DCUN1D5: variants seen among roughly 807,000 people sequenced by gnomAD.
The protein encoded by DCUN1D5 is defective in cullin neddylation 1 domain containing 5.
A neutral mutation model predicts 38.3 loss-of-function variants in DCUN1D5; 10 were observed. The ratio of observed to expected loss-of-function variants is 0.26; its 90% CI spans 0.16 to 0.44. DCUN1D5 has a LOEUF of 0.44. Ranked by LOEUF, DCUN1D5 falls within the 20% of genes least tolerant of loss-of-function variation. The pLI, the probability that DCUN1D5 is intolerant of heterozygous loss-of-function variation, is 1.00. For missense variants in DCUN1D5, 148 were observed against 275.3 expected (o/e 0.54, Z 3.27); for synonymous variants, 93 against 90.9 (o/e 1.02, Z -0.13).
At chr11:103,076,011 T>C (rs1233473805) in intron 4 of DCUN1D5, among the ~76,000 whole-genome samples, 2 of 152,198 alleles carry the variant, frequency 1.3e-5, no homozygotes, top group Non-Finnish European at 2.9e-5. Flanking sequence ...ACTATAATGT[T>C]TGAAAATATG....
rs1861900086 is a variant in DCUN1D5, at chr11:103,057,432, G to T, written c.*4927C>A. Among the ~76,000 whole-genome samples the T allele has an allele frequency of 6.6e-6, 1 of 151,928 alleles. No individual in the cohort carries two copies. The highest frequency in any genetic ancestry group is 2.4e-5 in the African/African-American group (1 of 41,328). ...AAAAAGTTAATTATTTCCCAGGAGT[G>T]GTGGCTCACACCTGTAATCCCAGCA... On this transcript the variant is annotated 3_prime_UTR_variant, in exon 8 of 8. Coordinates refer to ENST00000260247, the MANE Select transcript of DCUN1D5 (RefSeq NM_032299.4). This position sits in a 1 kb window ranked among gnomAD's most constrained non-coding sequence, Gnocchi z 4.8.
At chr11:103,076,965 G>A (rs1464828034) in intron 4 of DCUN1D5, among the ~76,000 whole-genome samples, 8 of 152,154 alleles carry the variant, frequency 5.3e-5, no homozygotes, top group African/African-American at 1.2e-4. Context: ...TTGGAAGGTC[G>A]AGGCGGGTGG....
Position 103,062,131 on chromosome 11 carries a change from T to C in DCUN1D5, c.*228A>G, listed in dbSNP as rs538754331. 1 of 459,204 alleles carries C rather than the reference T, an allele frequency of 2.2e-6. No individual in the cohort carries two copies. The highest frequency in any genetic ancestry group is 3.4e-5 in the East Asian group (1 of 29,138). The allele number at this position is 459,204 out of a possible 1,614,324, so 28.4% of individuals were successfully genotyped here. A position where few individuals can be genotyped will look rare whatever the true frequency, so the allele number is the denominator to read the frequency against. ...CTTTATTGTTCTGAAATAAATGTTATAAACATAACTCAAAACAAAAACTTC... is the reference window on the plus strand; with the variant it reads ...CTTTATTGTTCTGAAATAAATGTTACAAACATAACTCAAAACAAAAACTTC... On this transcript the variant is annotated 3_prime_UTR_variant, in exon 8 of 8. Coordinates refer to ENST00000260247, the MANE Select transcript of DCUN1D5 (RefSeq NM_032299.4). The surrounding 1 kb of genome is among the most constrained non-coding windows in gnomAD (Gnocchi z 4.6).
At position 103,059,535 on chromosome 11, in the gene DCUN1D5, A is replaced by G. The variant is rs1254515257; in HGVS notation, c.*2824T>C. On this transcript the variant is annotated 3_prime_UTR_variant, in exon 8 of 8. Transcript: ENST00000260247. Reference sequence around the variant, plus strand: ...CAATAAAATCTATACATTATACACAAAAATGCTACTACTGTCAAAAATGTA... The same window carrying G: ...CAATAAAATCTATACATTATACACAGAAATGCTACTACTGTCAAAAATGTA... 6.6e-6 allele frequency among the ~76,000 whole-genome samples: 1 copy of G among 152,184 alleles called. No homozygotes were observed. Among genetic ancestry groups the G allele is most frequent in the Non-Finnish European group, 1.5e-5 (1 of 68,042 alleles).
At chr11:103,082,327 T>C (rs1255116781) in intron 4 of DCUN1D5, among the ~76,000 whole-genome samples, 1 of 152,112 alleles carries the variant, frequency 6.6e-6, no homozygotes, top group East Asian at 1.9e-4. Flanking sequence ...TAACTCTATC[T>C]TCAAATTTTT....
In DCUN1D5 at chr11:103,057,660, C is replaced by T. The variant is rs1861906071; in HGVS notation, c.*4699G>A. 6.6e-6 allele frequency among the ~76,000 whole-genome samples: 1 copy of T among 151,744 alleles called. No individual in the cohort carries two copies. The highest frequency in any genetic ancestry group is 1.5e-5 in the Non-Finnish European group (1 of 67,946). On this transcript the variant is annotated 3_prime_UTR_variant, in exon 8 of 8. Coordinates refer to ENST00000260247, the MANE Select transcript of DCUN1D5 (RefSeq NM_032299.4). The surrounding 1 kb of genome is among the most constrained non-coding windows in gnomAD (Gnocchi z 4.8). ...TCTTGAACCCAGGAGGTCGAGGCTG[C>T]AGTGAGCTGAGACCGCACCACTGCA...
At chr11:103,084,064 A>G (rs1402830355) in intron 2 of DCUN1D5, among the ~76,000 whole-genome samples, 1 of 152,206 alleles carries the variant, frequency 6.6e-6, no homozygotes, top group Non-Finnish European at 1.5e-5. Context: ...ACATTAATAA[A>G]TCAATACATC....
chr11:103,058,099 AG>A lies in DCUN1D5; in HGVS notation c.*4259del, dbSNP rs1336663640. Reference sequence around the variant, plus strand: ...CATTATAAGACAAGATTCAATACTTAGGTTAAAATCTAACCTTACTATATAG... The same window carrying A: ...CATTATAAGACAAGATTCAATACTTAGTTAAAATCTAACCTTACTATATAG... On this transcript the variant is annotated 3_prime_UTR_variant, in exon 8 of 8. Coordinates refer to ENST00000260247, the MANE Select transcript of DCUN1D5 (RefSeq NM_032299.4). 1.3e-5 allele frequency among the ~76,000 whole-genome samples: 2 copies of A among 152,240 alleles called. No homozygotes were observed. Among genetic ancestry groups the A allele is most frequent in the African/African-American group, 4.8e-5 (2 of 41,468 alleles).
rs1861818113 is a variant in DCUN1D5 at position 103,054,271 on chromosome 11, A to AAGAT, written c.*8084_*8087dup. The AAGAT allele has an allele frequency of 1.3e-5, 2 of 152,144 alleles. No individual in the cohort carries two copies. Among genetic ancestry groups the AAGAT allele is most frequent in the African/African-American group, 4.8e-5 (2 of 41,452 alleles). 9.4% of individuals were successfully genotyped at this position (152,144 alleles called of 1,614,324 possible). A position where few individuals can be genotyped will look rare whatever the true frequency, so the allele number is the denominator to read the frequency against. Reference sequence around the variant, plus strand: ...TCTGCTTGAAGAAGTAGTGGGAGCAAAGATAGAAGGTTAGAATTGTCTCCA... The same window carrying AAGAT: ...TCTGCTTGAAGAAGTAGTGGGAGCAAAGATAGATAGAAGGTTAGAATTGTCTCCA... On this transcript the variant is annotated 3_prime_UTR_variant, in exon 8 of 8. Transcript: ENST00000260247.
Position 103,083,108 on chromosome 11 carries a change from C to A in DCUN1D5, c.249+148G>T. 1 of 609,596 alleles carries A rather than the reference C, an allele frequency of 1.6e-6. No individual in the cohort carries two copies. Among genetic ancestry groups the A allele is most frequent in the South Asian group, 2.3e-5 (1 of 43,634 alleles). The allele number at this position is 609,596 out of a possible 1,614,324, so 37.8% of individuals were successfully genotyped here. On this transcript the variant is annotated intron_variant, in intron 3 of 7. Transcript: ENST00000260247. The surrounding 1 kb of genome is among the most constrained non-coding windows in gnomAD (Gnocchi z 4.4). ...AAAGAATACATTTGCCCAACTTAAA[C>A]TGATTAAAAATACCTTAAATGCAAA...
At chr11:103,067,349 G>A (rs917367263) in intron 4 of DCUN1D5, among the ~76,000 whole-genome samples, 4 of 152,194 alleles carry the variant, frequency 2.6e-5, no homozygotes, top group African/African-American at 9.6e-5. Context: ...GCCACTTCCT[G>A]ATAACCTTAC....
rs56096955 is a variant in DCUN1D5, at chr11:103,058,965, CTTT to C, written c.*3391_*3393del. On this transcript the variant is annotated 3_prime_UTR_variant, in exon 8 of 8. Transcript: ENST00000260247. ...TAACAAAGAAAGGCATTTAGTTTTC[CTTT>C]TTTTTTTTTATTAAAATGCCCTCAA... 2.8e-5 allele frequency among the ~76,000 whole-genome samples: 4 copies of C among 143,378 alleles called. No individual in the cohort carries two copies. The highest frequency in any genetic ancestry group is 7.0e-5 in the Admixed American group (1 of 14,328). 94.1% of individuals were successfully genotyped at this position (143,378 alleles called of 152,430 possible). A position where few individuals can be genotyped will look rare whatever the true frequency, so the allele number is the denominator to read the frequency against.
chr11:103,053,407 G>C lies in DCUN1D5; in HGVS notation c.*8952C>G, dbSNP rs1262163020. 1 of 152,102 alleles carries C rather than the reference G, an allele frequency of 6.6e-6. No individual in the cohort carries two copies. Among genetic ancestry groups the C allele is most frequent in the East Asian group, 1.9e-4 (1 of 5,190 alleles). The allele number at this position is 152,102 out of a possible 1,614,324, so 9.4% of individuals were successfully genotyped here. A position where few individuals can be genotyped will look rare whatever the true frequency, so the allele number is the denominator to read the frequency against. ...ATTTCTAAATATGTCTATGTAGACA[G>C]AAGAAATAAGACCTGGTGTTCGATA... is the stretch of plus-strand genomic sequence containing the variant. On this transcript the variant is annotated 3_prime_UTR_variant, in exon 8 of 8. Coordinates refer to ENST00000260247, the MANE Select transcript of DCUN1D5 (RefSeq NM_032299.4). This position sits in a 1 kb window ranked among gnomAD's most constrained non-coding sequence, Gnocchi z 4.8.
intron 4 of DCUN1D5, among the ~76,000 whole-genome samples, chr11:103,074,444 C>T (rs987869362): frequency 6.6e-6 from 1 of 152,156 alleles, no homozygotes; most frequent in African/African-American, 2.4e-5. Context: ...GAGTCTCGCT[C>T]TGTCCCCAGG....
Position 103,078,208 on chromosome 11 carries a change from G to A in DCUN1D5, c.341+4540C>T, listed in dbSNP as rs774735639. On this transcript the variant is annotated intron_variant, in intron 4 of 7. Coordinates refer to ENST00000260247, the MANE Select transcript of DCUN1D5 (RefSeq NM_032299.4). This position sits in a 1 kb window ranked among gnomAD's most constrained non-coding sequence, Gnocchi z 4.6. ...CCTTTTCATTATCATAATCAAGTAC[G>A]GTCCTCTTCAAAGGTCTATATTCAG... Among the ~76,000 whole-genome samples the A allele has an allele frequency of 4.6e-5, 7 of 151,984 alleles. No homozygotes were observed. The highest frequency in any genetic ancestry group is 8.8e-5 in the Non-Finnish European group (6 of 67,998).
chr11:103,084,001 T>A (rs992592436), intron 2 of DCUN1D5, among the ~76,000 whole-genome samples: 12 of 152,144 alleles, frequency 7.9e-5, no homozygotes, highest in African/African-American at 2.9e-4. Context: ...CTATCATTCA[T>A]CCAAAAATTA....
rs575919243 is a variant in DCUN1D5, at chr11:103,070,821, A to T, written c.342-4254T>A. 1.2e-3 allele frequency among the ~76,000 whole-genome samples: 188 copies of T among 152,276 alleles called. 2 individuals are homozygous for T. The highest frequency in any genetic ancestry group is 4.3e-3 in the African/African-American group (178 of 41,562). On this transcript the variant is annotated intron_variant, in intron 4 of 7. Coordinates refer to ENST00000260247, the MANE Select transcript of DCUN1D5 (RefSeq NM_032299.4). ...TAAAACAAGACAGACCAATCCGGAG[A>T]CATAAACCCCTTAACAGAGTAAAAA... is the stretch of plus-strand genomic sequence containing the variant.
intron 4 of DCUN1D5, among the ~76,000 whole-genome samples, chr11:103,070,904 A>G (rs934187165): frequency 1.4e-4 from 22 of 152,192 alleles, no homozygotes; most frequent in Non-Finnish European, 2.9e-4. Context: ...CTAGAAATCA[A>G]TAACAGAAAG....
rs1328598245 is a variant in DCUN1D5, at chr11:103,060,431, A to AAAT, written c.*1925_*1927dup. Reference sequence around the variant, plus strand: ...TTTTTTTAAACCAAACATGGATTGAAAATACAGTATTCCCGGGATGCGACA... The same window carrying AAAT: ...TTTTTTTAAACCAAACATGGATTGAAAATAATACAGTATTCCCGGGATGCGACA... On this transcript the variant is annotated 3_prime_UTR_variant, in exon 8 of 8. Transcript: ENST00000260247. Among the ~76,000 whole-genome samples, 1 of 152,086 alleles carries AAAT rather than the reference A, an allele frequency of 6.6e-6. No homozygotes were observed. Among genetic ancestry groups the AAAT allele is most frequent in the Non-Finnish European group, 1.5e-5 (1 of 68,024 alleles).
Sources: allele counts gnomAD v4.1 joint callset (sites outside exome capture counted in the v4.1 genomes callset), GRCh38; gene constraint gnomAD v4.1.1; non-coding constraint Gnocchi (gnomAD v3.1); transcripts MANE v1.5; gene names NCBI Gene and HGNC (gene_info 2026-07-23, HGNC 2026-07-21).